Variants in ZNF185 observed in about 807,000 individuals in gnomAD.
The protein encoded by ZNF185 is zinc finger protein 185.
ZNF185 carries 56 observed loss-of-function variants against 58.6 expected under a neutral mutation model. That is an observed-to-expected ratio of 0.95 (90% CI 0.77 to 1.19). The LOEUF is 1.19. Among genes scored for constraint, ZNF185 ranks in the 50% most tolerant of loss-of-function variants. ZNF185 has a pLI of 0.00. For synonymous variants in ZNF185, 230 were observed against 215.9 expected (o/e 1.07, Z -0.57); for missense variants, 627 against 573.5 (o/e 1.09, Z -0.95).
At chrX:152,903,642 A>C in the ZNF185 span, among the ~76,000 whole-genome samples, 4 of 111,079 alleles carry the variant, frequency 3.6e-5, no homozygotes, top group Non-Finnish European at 7.6e-5. Flanking sequence ...AGGGCCCTAC[A>C]AGAGGGTCCC....
intron 3 of ZNF185, 85 bp from the exon 5 acceptor site, chrX:152,917,046 G>A (rs1938625135): frequency 6.0e-6 from 7 of 1,158,724 alleles, no homozygotes; most frequent in Non-Finnish European, 8.2e-6. Flanking sequence ...AATCTTATTT[G>A]CTATCGTTAA....
At chrX:152,912,652 T>C (rs1556862521), upstream of ZNF185, among the ~76,000 whole-genome samples, 1 of 111,915 alleles carries the variant, frequency 8.9e-6, no homozygotes, top group South Asian at 3.7e-4. Flanking sequence ...AAATAAGTCA[T>C]ACTAGCTAGT....
At chrX:152,955,789 C>T (rs1556904260) in intron 16 of ZNF185, among the ~76,000 whole-genome samples, 1 of 110,923 alleles carries the variant, frequency 9.0e-6, no homozygotes, top group African/African-American at 3.3e-5. Context: ...GTAATCCCAG[C>T]TACTCGGGAG....
At chrX:152,903,972 G>A in the ZNF185 span, among the ~76,000 whole-genome samples, 446 of 112,051 alleles carry the variant, frequency 4.0e-3, 2 homozygotes, top group African/African-American at 0.014. Flanking sequence ...GATGGGGAGA[G>A]GTGAAATTCC....
intron 20 of ZNF185, among the ~76,000 whole-genome samples, chrX:152,968,274 T>C (rs1400069514): frequency 8.9e-6 from 1 of 112,055 alleles, no homozygotes. Flanking sequence ...ACCACTTACA[T>C]AGGAGCAAAT....
intron 19 of ZNF185, 27 bp from the exon 22 acceptor site, chrX:152,967,140 T>C (rs1318410804): frequency 1.7e-6 from 2 of 1,197,192 alleles, no homozygotes; most frequent in African/African-American, 3.5e-5. Context: ...ATCTCTGCCC[T>C]CCTCTCCCCT....
At chrX:152,943,134 A>G (rs910690255) in intron 15 of ZNF185, among the ~76,000 whole-genome samples, 1 of 110,878 alleles carries the variant, frequency 9.0e-6, no homozygotes, top group Non-Finnish European at 1.9e-5. Context: ...CCTCCCAAGT[A>G]GCTGGGACTA....
At chrX:152,920,511 C>T in intron 8 of ZNF185, 100 bp downstream of exon 9, 1 of 974,705 alleles carries the variant, frequency 1.0e-6, no homozygotes, top group South Asian at 2.2e-5. Context: ...AGAGATCACC[C>T]CCAAGGGCCT....
chrX:152,917,395 TG>T, intron 5 of ZNF185, 33 bp downstream of exon 6: 1 of 1,193,911 alleles, frequency 8.4e-7, no homozygotes, highest in Non-Finnish European at 1.1e-6. Context: ...AGTCGGCCAG[TG>T]GGGAGGTGTG....
intron 15 of ZNF185, among the ~76,000 whole-genome samples, chrX:152,940,536 G>A (rs1206809042): frequency 9.0e-6 from 1 of 110,948 alleles, no homozygotes; most frequent in African/African-American, 3.3e-5. Context: ...ATAGAAAGGA[G>A]TGCCTGGGTT....
chrX:152,906,344 T>C, the ZNF185 span, among the ~76,000 whole-genome samples: 1 of 113,323 alleles, frequency 8.8e-6, no homozygotes, highest in East Asian at 2.8e-4. Flanking sequence ...GCCTATGTGC[T>C]GGTCCCCAGC....
intron 16 of ZNF185, among the ~76,000 whole-genome samples, chrX:152,957,842 C>T (rs2049007589): frequency 8.9e-6 from 1 of 112,395 alleles, no homozygotes; most frequent in Non-Finnish European, 1.9e-5. Context: ...TTCCTTTTTG[C>T]ATTAATTAAA....
rs55662239 is a variant in ZNF185 at position 152,919,040 on chromosome X, G to A, written c.489G>A (p.Glu163=). ...CAGGGGACACCGAGGAGGAGGAGGA[G>A]GAGGAGGTGGTGCCATTCTCCTCAG... Residue 163 remains glutamate, a synonymous_variant, in exon 7 of 23, where the codon GAG becomes GAA. Transcript: ENST00000449285. The A allele has an allele frequency of 5.5e-3, 6,660 of 1,208,629 alleles. 23 individuals are homozygous for A. The highest frequency in any genetic ancestry group is 0.044 in the Middle Eastern group (190 of 4,351).
At chrX:152,947,140 G>T (rs1388825912) in intron 16 of ZNF185, among the ~76,000 whole-genome samples, 2 of 112,090 alleles carry the variant, frequency 1.8e-5, no homozygotes, top group Non-Finnish European at 3.8e-5. Context: ...CAGCACTTTG[G>T]GAGGCCGAGG....
exon 2 of ZNF185, chrX:152,914,777 G>C (rs782247502): frequency 1.7e-6 from 2 of 1,190,174 alleles, no homozygotes; most frequent in Admixed American, 4.7e-5. Context: ...TGCGAACCAC[G>C]CTGAAGGGGG....
the ZNF185 span, among the ~76,000 whole-genome samples, chrX:152,907,347 G>C: frequency 8.9e-6 from 1 of 112,964 alleles, no homozygotes; most frequent in African/African-American, 3.2e-5. Flanking sequence ...CACCTCATTG[G>C]CTCCTCGCTC....
chrX:152,918,867 A>G, intron 6 of ZNF185, 116 bp from the exon 8 acceptor site: 1 of 518,414 alleles, frequency 1.9e-6, no homozygotes, highest in Non-Finnish European at 3.3e-6. Context: ...AAGTGGCATG[A>G]CCTAAGGCCC....
chrX:152,917,303 C>G (rs1446966874), exon 5 of ZNF185: 5 of 1,210,294 alleles, frequency 4.1e-6, no homozygotes, highest in Non-Finnish European at 4.5e-6. Flanking sequence ...TCACCAAGCC[C>G]ATAGACAGCT....
At chrX:152,936,555 A>C in intron 14 of ZNF185, 42 bp downstream of exon 16, 1 of 1,107,329 alleles carries the variant, frequency 9.0e-7, no homozygotes, top group Non-Finnish European at 1.2e-6. Flanking sequence ...TCCCATTGCC[A>C]GACACAGCCT....
Sources: allele counts gnomAD v4.1 joint callset (sites outside exome capture counted in the v4.1 genomes callset), GRCh38; gene constraint gnomAD v4.1.1; transcripts MANE v1.5; gene names NCBI Gene and HGNC (gene_info 2026-07-23, HGNC 2026-07-21).